Variants in NOL10 observed in about 807,000 individuals in gnomAD.
NOL10 encodes the protein H_NH0074G24.1.
Under a neutral mutation model 103.5 loss-of-function variants are expected in NOL10, and 58 were observed. The ratio of observed to expected loss-of-function variants is 0.56; its 90% confidence interval spans 0.45 to 0.70. The LOEUF (loss-of-function observed/expected upper bound fraction) is 0.70, where lower values mean the gene tolerates loss of function less well. Among genes scored for constraint, NOL10 ranks in the 30% least tolerant of loss-of-function variants. The pLI, the probability that NOL10 is intolerant of heterozygous loss-of-function variation, is 0.00. For synonymous variants in NOL10, 287 were observed against 282.5 expected, an observed-to-expected ratio of 1.02 and a Z score of -0.16; for missense variants, 763 against 807.3, an observed-to-expected ratio of 0.95 and a Z score of 0.67.
intron 19 of NOL10, 132 bp downstream of exon 19, chr2:10,588,910 CT>C: frequency 7.3e-7 from 1 of 1,361,490 alleles, no homozygotes. Context: ...ACCTCCCCTG[CT>C]TCCCTCGTCC....
chr2:10,594,064 C>G (rs1675535084), intron 17 of NOL10, among the ~76,000 whole-genome samples: 1 of 152,126 alleles, frequency 6.6e-6, no homozygotes, highest in Non-Finnish European at 1.5e-5. Context: ...TGGATCATGG[C>G]AGGAAAAACT....
intron 14 of NOL10, among the ~76,000 whole-genome samples, chr2:10,606,110 C>T (rs933104846): frequency 2.6e-5 from 4 of 152,116 alleles, no homozygotes; most frequent in Non-Finnish European, 5.9e-5. Context: ...GCTAGGCAAG[C>T]AGGCGCAACA....
intron 13 of NOL10, among the ~76,000 whole-genome samples, chr2:10,638,483 C>CTTTTTTTTTTTTTTTTTTTT (rs869294782): frequency 1.3e-5 from 1 of 77,784 alleles, no homozygotes; most frequent in African/African-American, 5.4e-5. Flanking sequence ...GCTGAATTCC[C>CTTTTTTTTTTTTTTTTTTTT]TTTTTTTTTT....
At chr2:10,625,851 C>CA (rs1326145143) in intron 13 of NOL10, among the ~76,000 whole-genome samples, 3 of 151,880 alleles carry the variant, frequency 2.0e-5, no homozygotes, top group African/African-American at 7.3e-5. Context: ...CAATGAGAGA[C>CA]AAAATACATT....
intron 12 of NOL10, among the ~76,000 whole-genome samples, chr2:10,650,984 C>A (rs1679418753): frequency 1.3e-5 from 2 of 152,070 alleles, no homozygotes; most frequent in African/African-American, 4.8e-5. Flanking sequence ...ACAGTCTGAG[C>A]CTGAGTATTT....
Position 10,571,851 on chromosome 2 carries a change from G to T in NOL10, c.*220C>A. On this transcript the variant is annotated 3_prime_UTR_variant, in exon 21 of 21. Coordinates refer to ENST00000381685, the MANE Select transcript of NOL10 (RefSeq NM_024894.4). ...AAGGACAATGTTTCCAGGGAGCAACGACTCGCAAGCACACCCCTGGGGCTG... is the reference window on the plus strand; with the variant it reads ...AAGGACAATGTTTCCAGGGAGCAACTACTCGCAAGCACACCCCTGGGGCTG... 2.4e-6 allele frequency: 1 copy of T among 423,144 alleles called. No homozygotes were observed. Among genetic ancestry groups the T allele is most frequent in the East Asian group, 3.7e-5 (1 of 27,184 alleles). The allele number at this position is 423,144 out of a possible 1,614,324, so 26.2% of individuals were successfully genotyped here.
At chr2:10,680,529 C>T (rs550064656) in intron 3 of NOL10, among the ~76,000 whole-genome samples, 6 of 152,320 alleles carry the variant, frequency 3.9e-5, no homozygotes, top group African/African-American at 1.2e-4. Flanking sequence ...AGACAAGTCA[C>T]TTAATATCTC....
At chr2:10,656,167 G>A (rs1427178598) in intron 11 of NOL10, among the ~76,000 whole-genome samples, 5 of 152,156 alleles carry the variant, frequency 3.3e-5, no homozygotes, top group African/African-American at 1.2e-4. Context: ...CTTTACCAGT[G>A]TTTTATGAAT....
At chr2:10,593,083 A>T (rs1675474285) in intron 17 of NOL10, among the ~76,000 whole-genome samples, 1 of 152,170 alleles carries the variant, frequency 6.6e-6, no homozygotes, top group Admixed American at 6.5e-5. Flanking sequence ...ATTTTGTTCC[A>T]ACATAGTAAC....
intron 9 of NOL10, among the ~76,000 whole-genome samples, chr2:10,660,140 C>G (rs1352692157): frequency 6.6e-6 from 1 of 152,284 alleles, no homozygotes. Context: ...TGTTGGCTGT[C>G]GGCATCATCA....
rs182865248 is a variant in NOL10 at position 10,641,513 on chromosome 2, C to T, written c.1026+2807G>A. On this transcript the variant is annotated intron_variant, in intron 13 of 20. Transcript: ENST00000381685. The stretch of plus-strand genomic sequence containing the variant: ...AACCCACTTAGAATAAATAGGAATA[C>T]GCATACATTGTTTGCATGAACAAAA... 2.6e-3 allele frequency among the ~76,000 whole-genome samples: 402 copies of T among 152,200 alleles called. 1 individual carries two copies. The highest frequency in any genetic ancestry group is 8.2e-3 in the African/African-American group (339 of 41,540).
Position 10,689,927 on chromosome 2 carries a change from C to CG in NOL10, c.-67dup. The CG allele has an allele frequency of 2.7e-6, 4 of 1,472,480 alleles. No homozygotes were observed. In the South Asian group the frequency reaches 3.6e-5, roughly 13 times the overall value. 91.2% of individuals were successfully genotyped at this position (1,472,480 alleles called of 1,614,324 possible). On this transcript the variant is annotated 5_prime_UTR_variant, in exon 1 of 21. Transcript: ENST00000381685. ...CCAGCGTGCTCGAGCACCGTAATCC[C>CG]GGGACCTCCGAGCCCCTGCTCCGCG...
intron 8 of NOL10, 77 bp from the exon 9 acceptor site, chr2:10,663,121 C>A: frequency 8.4e-7 from 1 of 1,184,694 alleles, no homozygotes; most frequent in Non-Finnish European, 1.2e-6. Flanking sequence ...AATCCCAGCA[C>A]TTTGGGAGGC....
chr2:10,678,993 G>A (rs1681525737), intron 3 of NOL10, among the ~76,000 whole-genome samples: 1 of 152,078 alleles, frequency 6.6e-6, no homozygotes, highest in Non-Finnish European at 1.5e-5. Flanking sequence ...TGAGAGACAG[G>A]CGGACAACTG....
chr2:10,657,350 G>C lies in NOL10; in HGVS notation c.906+392C>G, dbSNP rs577370297. 5.3e-5 allele frequency among the ~76,000 whole-genome samples: 8 copies of C among 152,132 alleles called. No homozygotes were observed. The East Asian group carries it at 1.3e-3, about 26-fold the overall frequency. ...AATCAAATAGGAAAAGTATGAATTT[G>C]AGATATGTAATAATACCAACATGCA... On this transcript the variant is annotated intron_variant, in intron 11 of 20. Transcript: ENST00000381685.
At chr2:10,634,188 C>T (rs941454951) in intron 13 of NOL10, among the ~76,000 whole-genome samples, 1 of 152,034 alleles carries the variant, frequency 6.6e-6, no homozygotes, top group South Asian at 2.1e-4. Flanking sequence ...AAATAGGTTA[C>T]AAGAGAGACA....
chr2:10,625,359 G>T (rs952013910), intron 13 of NOL10, among the ~76,000 whole-genome samples: 37 of 152,070 alleles, frequency 2.4e-4, no homozygotes, highest in African/African-American at 6.5e-4. Context: ...GGGAGCGTGT[G>T]GGGGAGGGAC....
rs1558308477 is a variant in NOL10 at position 10,636,135 on chromosome 2, GC to G, written c.1026+8184del. The stretch of plus-strand genomic sequence containing the variant: ...GCTCTTGGCCTCAAGTGATCTACCC[GC>G]CTCGGCCTCCCAAAGTGCTGGGATT... On this transcript the variant is annotated intron_variant, in intron 13 of 20. Coordinates refer to ENST00000381685, the MANE Select transcript of NOL10 (RefSeq NM_024894.4). Among the ~76,000 whole-genome samples, 45 of 152,188 alleles carry G rather than the reference GC, an allele frequency of 3.0e-4. No homozygotes were observed. In the Middle Eastern group the frequency reaches 0.01, roughly 35 times the overall value.
intron 3 of NOL10, among the ~76,000 whole-genome samples, chr2:10,677,159 G>A (rs1681364339): frequency 1.3e-5 from 2 of 151,896 alleles, no homozygotes; most frequent in African/African-American, 2.4e-5. Flanking sequence ...GGCTGGTCTT[G>A]AACTCCTGAG....
Sources: gnomAD v4.1 joint callset for allele counts (sites outside exome capture counted in the v4.1 genomes callset) on GRCh38, gnomAD v4.1.1 for gene constraint, MANE v1.5 for transcripts, NCBI Gene and HGNC (gene_info 2026-07-23, HGNC 2026-07-21) for gene names.